Variants in VIPR2 observed in about 807,000 individuals in gnomAD.
VIPR2 encodes vasoactive intestinal polypeptide receptor 2.
Under a neutral mutation model 58.0 loss-of-function variants are expected in VIPR2, and 48 were observed. That is an observed-to-expected ratio of 0.83 (90% CI 0.66 to 1.05). The LOEUF is 1.05. VIPR2 is among the 50% of genes least tolerant of loss of function. VIPR2 has a pLI of 0.00. For missense variants in VIPR2, 534 were observed against 558.0 expected, an observed-to-expected ratio of 0.96 and a Z score of 0.43; for synonymous variants, 243 against 235.2, an observed-to-expected ratio of 1.03 and a Z score of -0.30.
At position 159,031,417 on chromosome 7, in the gene VIPR2, C is replaced by A. The variant is rs1853574883; in HGVS notation, c.1143+411G>T. The A allele has an allele frequency of 2.0e-6, 2 of 984,044 alleles. No individual in the cohort carries two copies. The highest frequency in any genetic ancestry group is 9.4e-5 in the South Asian group (2 of 21,266). 61.0% of individuals were successfully genotyped at this position (984,044 alleles called of 1,614,324 possible). ...ATGAACGCAGGGCAGAGCTCGGCTCCGGGCTTCCTCCCCAGGGACTCACAG... is the reference window on the plus strand; with the variant it reads ...ATGAACGCAGGGCAGAGCTCGGCTCAGGGCTTCCTCCCCAGGGACTCACAG... On this transcript the variant is annotated intron_variant, in intron 12 of 12. Transcript: ENST00000262178. This position sits in a 1 kb window ranked among gnomAD's most constrained non-coding sequence, Gnocchi z 4.0.
At position 159,031,908 on chromosome 7, in the gene VIPR2, G is replaced by C. The variant is rs775782789; in HGVS notation, c.1101+30C>G. On this transcript the variant is annotated intron_variant, in intron 11 of 12. Transcript: ENST00000262178. The surrounding 1 kb of genome is among the most constrained non-coding windows in gnomAD (Gnocchi z 4.0). The stretch of plus-strand genomic sequence containing the variant: ...AGATGGTCAGGCAGGACCCGCGCTC[G>C]GGGGAGGGCGGCCGCCTCCGCACAC... 2 of 1,614,002 alleles carry C rather than the reference G, an allele frequency of 1.2e-6. No individual in the cohort carries two copies. The highest frequency in any genetic ancestry group is 2.7e-5 in the African/African-American group (2 of 74,940).
chr7:159,085,815 A>T (rs1436950786), intron 4 of VIPR2, among the ~76,000 whole-genome samples: 2 of 152,086 alleles, frequency 1.3e-5, no homozygotes, highest in Admixed American at 6.6e-5. Flanking sequence ...AGGACTATGG[A>T]GCCAGGGCAA....
chr7:159,104,346 C>T (rs545738201), intron 3 of VIPR2, among the ~76,000 whole-genome samples: 44 of 147,446 alleles, frequency 3.0e-4, no homozygotes, highest in African/African-American at 1.0e-3. Context: ...CCAGCACCCT[C>T]GCCACTGACG....
At chr7:159,041,450 G>A (rs919970419) in intron 6 of VIPR2, among the ~76,000 whole-genome samples, 1 of 132,810 alleles carries the variant, frequency 7.5e-6, no homozygotes, top group African/African-American at 2.7e-5. Context: ...GGGTCCTAAC[G>A]GTCTGTCAAG....
chr7:159,069,609 C>A (rs1856277025), intron 4 of VIPR2, among the ~76,000 whole-genome samples: 1 of 147,886 alleles, frequency 6.8e-6, no homozygotes, highest in South Asian at 2.1e-4. Flanking sequence ...TCCTGGTCTC[C>A]AACCCTGTTT....
At chr7:159,048,862 C>T (rs1401069304) in intron 5 of VIPR2, among the ~76,000 whole-genome samples, 2 of 152,218 alleles carry the variant, frequency 1.3e-5, no homozygotes, top group African/African-American at 4.8e-5. Context: ...TACTGATGTT[C>T]TGCACAGCTC....
In VIPR2 at chr7:159,049,368, G is replaced by A. The variant is rs1008989971; in HGVS notation, c.456-6192C>T. Among the ~76,000 whole-genome samples, 8 of 152,342 alleles carry A rather than the reference G, an allele frequency of 5.3e-5. 1 individual carries two copies. In the South Asian group the frequency reaches 1.2e-3, roughly 24 times the overall value. ...CCAAGGGCTTTGGGGAGCAGCCGCAGCTGTGGGGACCAAAGGGCTGGACTC... is the reference window on the plus strand; with the variant it reads ...CCAAGGGCTTTGGGGAGCAGCCGCAACTGTGGGGACCAAAGGGCTGGACTC... On this transcript the variant is annotated intron_variant, in intron 5 of 12. Transcript: ENST00000262178.
intron 4 of VIPR2, among the ~76,000 whole-genome samples, chr7:159,079,644 C>A (rs543927295): frequency 6.6e-6 from 1 of 152,072 alleles, no homozygotes; most frequent in Admixed American, 6.5e-5. Flanking sequence ...AATAGAGACA[C>A]AAAAAACCCT....
At chr7:159,131,009 C>T (rs1030369217) in intron 2 of VIPR2, among the ~76,000 whole-genome samples, 4 of 152,226 alleles carry the variant, frequency 2.6e-5, no homozygotes, top group African/African-American at 9.6e-5. Context: ...GCAGTCTCCT[C>T]TTCCAGACAG....
At chr7:159,035,545 G>A (rs998265350) in intron 8 of VIPR2, among the ~76,000 whole-genome samples, 3 of 152,238 alleles carry the variant, frequency 2.0e-5, no homozygotes, top group Admixed American at 1.3e-4. Context: ...GCTCTGGGCC[G>A]CATGAGCCAA....
rs767585151 is a variant in VIPR2 at position 159,031,921 on chromosome 7, C to T, written c.1101+17G>A. The T allele has an allele frequency of 3.6e-5, 58 of 1,613,998 alleles. No homozygotes were observed. Among genetic ancestry groups the T allele is most frequent in the African/African-American group, 1.1e-4 (8 of 74,940 alleles). On this transcript the variant is annotated intron_variant, in intron 11 of 12. Coordinates refer to ENST00000262178, the MANE Select transcript of VIPR2 (RefSeq NM_003382.5). This position sits in a 1 kb window ranked among gnomAD's most constrained non-coding sequence, Gnocchi z 4.0. ...GGACCCGCGCTCGGGGGAGGGCGGC[C>T]GCCTCCGCACACCTACCTGGAACGA...
chr7:159,073,254 A>G (rs569176821), intron 4 of VIPR2, among the ~76,000 whole-genome samples: 1 of 152,368 alleles, frequency 6.6e-6, no homozygotes. Flanking sequence ...AATATCAAGG[A>G]TAAAAGAAGA....
In VIPR2 at chr7:159,071,722, G is replaced by T. The variant is rs549177252; in HGVS notation, c.358-13144C>A. Among the ~76,000 whole-genome samples, 3 of 152,372 alleles carry T rather than the reference G, an allele frequency of 2.0e-5. No homozygotes were observed. In the South Asian group the frequency reaches 6.2e-4, roughly 32 times the overall value. ...AATTCATAATATACAAAGGAGCCAT[G>T]AAAAGTGCAGTCACACCGCACACAG... is the stretch of plus-strand genomic sequence containing the variant. On this transcript the variant is annotated intron_variant, in intron 4 of 12. Transcript: ENST00000262178.
At chr7:159,035,595 C>T in intron 8 of VIPR2, 1 of 804,910 alleles carries the variant, frequency 1.2e-6, no homozygotes. Context: ...CTGCAGCCAC[C>T]ATCACCTGAC....
chr7:159,139,716 CAT>C (rs1325339793), intron 2 of VIPR2, among the ~76,000 whole-genome samples: 3 of 152,382 alleles, frequency 2.0e-5, no homozygotes, highest in South Asian at 2.1e-4. Context: ...TCCCAGAACA[CAT>C]AGAGACCACC....
At chr7:159,040,048 A>G (rs1854227015) in intron 6 of VIPR2, among the ~76,000 whole-genome samples, 1 of 152,058 alleles carries the variant, frequency 6.6e-6, no homozygotes, top group Non-Finnish European at 1.5e-5. Flanking sequence ...AGACGATTCC[A>G]TTTTCTTCTT....
intron 4 of VIPR2, among the ~76,000 whole-genome samples, chr7:159,103,216 G>A (rs765019139): frequency 2.6e-5 from 4 of 152,206 alleles, no homozygotes; most frequent in South Asian, 2.1e-4. Context: ...TGTGCAGCCC[G>A]GATTGGGGGG....
chr7:159,061,814 C>T (rs989185699), intron 4 of VIPR2, among the ~76,000 whole-genome samples: 35 of 152,270 alleles, frequency 2.3e-4, no homozygotes, highest in African/African-American at 7.2e-4. Context: ...AGCGGGAGGG[C>T]GAGCCGCGGC....
intron 6 of VIPR2, among the ~76,000 whole-genome samples, chr7:159,040,113 A>G (rs7797029): frequency 0.011 from 1,616 of 152,338 alleles, 27 homozygotes; most frequent in African/African-American, 0.037. Context: ...TCACCAAACA[A>G]GCACACTGAG....
Sources: allele counts gnomAD v4.1 joint callset (sites outside exome capture counted in the v4.1 genomes callset), GRCh38; gene constraint gnomAD v4.1.1; non-coding constraint Gnocchi (gnomAD v3.1); transcripts MANE v1.5; gene names NCBI Gene and HGNC (gene_info 2026-07-23, HGNC 2026-07-21).